The following FBXW2 variants were observed in gnomAD, a reference collection of about 807,000 sequenced individuals.
FBXW2 encodes the protein F-box/WD repeat-containing protein 2.
Under a neutral mutation model 46.0 loss-of-function variants are expected in FBXW2, and 12 were observed. The observed-to-expected ratio is 0.26, with a 90% CI of 0.17 to 0.42. The LOEUF is 0.42. Among genes scored for constraint, FBXW2 ranks in the 10% least tolerant of loss-of-function variants. The probability of loss-of-function intolerance (pLI) is 1.00; values close to 1 mark genes in which losing one functional copy is unlikely to be tolerated. For synonymous variants in FBXW2, 203 were observed against 209.6 expected (o/e 0.97, Z 0.27); for missense variants, 360 against 537.0 (o/e 0.67, Z 3.26).
rs59520792 is a variant in FBXW2, at chr9:120,772,060, GAAAAA to G, written c.907-548_907-544del. On this transcript the variant is annotated intron_variant, in intron 6 of 7. Transcript: ENST00000608872. ...GGTGACAGAGTGAGACCCTGTCTCAGAAAAAAAAAAAAAAAAAAAAAAAGAGATGC... is the reference window on the plus strand; with the variant it reads ...GGTGACAGAGTGAGACCCTGTCTCAGAAAAAAAAAAAAAAAAAAGAGATGC... 5.4e-3 allele frequency among the ~76,000 whole-genome samples: 275 copies of G among 51,310 alleles called. 3 individuals carry two copies. Among genetic ancestry groups the G allele is most frequent in the African/African-American group, 0.018 (259 of 14,302 alleles). The allele number at this position is 51,310 out of a possible 152,430, so 33.7% of individuals were successfully genotyped here.
Position 120,767,194 on chromosome 9 carries a change from A to T in FBXW2, c.1077-2347T>A, listed in dbSNP as rs182472965. Among the ~76,000 whole-genome samples the T allele has an allele frequency of 2.0e-3, 308 of 152,326 alleles. 1 individual carries two copies. Among genetic ancestry groups the T allele is most frequent in the Non-Finnish European group, 2.8e-3 (188 of 68,022 alleles). On this transcript the variant is annotated intron_variant, in intron 7 of 7. Coordinates refer to ENST00000608872, the MANE Select transcript of FBXW2 (RefSeq NM_012164.4). The stretch of plus-strand genomic sequence containing the variant: ...TCTCATGGGCATGTGTTTCTCTTAT[A>T]ATTAATATCTGAAAAAAAAATCTAT...
chr9:120,764,460 G>T lies in FBXW2; in HGVS notation c.*99C>A. On this transcript the variant is annotated 3_prime_UTR_variant, in exon 8 of 8. Coordinates refer to ENST00000608872, the MANE Select transcript of FBXW2 (RefSeq NM_012164.4). Reference sequence around the variant, plus strand: ...TGTGCACTGCGTGATGATACCATTAGGTGAGAACTTTGGTTCATGCAGTCG... The same window carrying T: ...TGTGCACTGCGTGATGATACCATTATGTGAGAACTTTGGTTCATGCAGTCG... The T allele has an allele frequency of 7.6e-7, 1 of 1,313,466 alleles. No individual in the cohort carries two copies. The highest frequency in any genetic ancestry group is 1.1e-6 in the Non-Finnish European group (1 of 937,358). 81.4% of individuals were successfully genotyped at this position (1,313,466 alleles called of 1,614,324 possible).
chr9:120,772,608 T>G lies in FBXW2; in HGVS notation c.906+146A>C. 5 of 531,260 alleles carry G rather than the reference T, an allele frequency of 9.4e-6. No homozygotes were observed. In the East Asian group the frequency reaches 1.7e-4, roughly 18 times the overall value. The allele number at this position is 531,260 out of a possible 1,614,324, so 32.9% of individuals were successfully genotyped here. A position where few individuals can be genotyped will look rare whatever the true frequency, so the allele number is the denominator to read the frequency against. On this transcript the variant is annotated intron_variant, in intron 6 of 7. Transcript: ENST00000608872. The stretch of plus-strand genomic sequence containing the variant: ...CAGGACATAGAGCTAGCAAATCATC[T>G]CTTCTTCCGGTGGGTTTAAAATGGC...
At position 120,763,474 on chromosome 9, in the gene FBXW2, C is replaced by T. The variant is rs2044225256; in HGVS notation, c.*1085G>A. On this transcript the variant is annotated 3_prime_UTR_variant, in exon 8 of 8. Coordinates refer to ENST00000608872, the MANE Select transcript of FBXW2 (RefSeq NM_012164.4). ...ATAGCATACTGTGTCCCTATTTAAACCATGGCTTCTATCAGCATTTCTTCA... is the reference window on the plus strand; with the variant it reads ...ATAGCATACTGTGTCCCTATTTAAATCATGGCTTCTATCAGCATTTCTTCA... 2 of 152,218 alleles carry T rather than the reference C, an allele frequency of 1.3e-5. No individual in the cohort carries two copies. Among genetic ancestry groups the T allele is most frequent in the African/African-American group, 4.8e-5 (2 of 41,452 alleles). 9.4% of individuals were successfully genotyped at this position (152,218 alleles called of 1,614,324 possible).
rs1325969257 is a variant in FBXW2, at chr9:120,787,988, T to C, written c.271A>G (p.Ile91Val). 5 of 1,614,102 alleles carry C rather than the reference T, an allele frequency of 3.1e-6. No homozygotes were observed. Among genetic ancestry groups the C allele is most frequent in the Admixed American group, 3.3e-5 (2 of 60,006 alleles). The change falls in exon 3 of 8, where the codon ATA (isoleucine) becomes GTA (valine). Residue 91 changes from isoleucine to valine, a missense_variant. By Grantham distance (29) the Ile-to-Val change is conservative (BLOSUM62 3). Transcript: ENST00000608872. The part of the protein sequence containing the change: ...CLVSKQWNKV[I>V]SACTEVWQTA... ...TGCCACACCTCTGTACAGGCACTTATCACCTTATTCCACTGTTTAGAGACG... is the reference window on the plus strand; with the variant it reads ...TGCCACACCTCTGTACAGGCACTTACCACCTTATTCCACTGTTTAGAGACG...
chr9:120,786,993 A>G (rs563682515), intron 3 of FBXW2, among the ~76,000 whole-genome samples: 1 of 152,104 alleles, frequency 6.6e-6, no homozygotes, highest in Non-Finnish European at 1.5e-5. Context: ...GAATCACAGG[A>G]TTTCAGAGCA....
At chr9:120,784,096 C>T (rs559421418) in intron 3 of FBXW2, among the ~76,000 whole-genome samples, 1 of 152,072 alleles carries the variant, frequency 6.6e-6, no homozygotes, top group Non-Finnish European at 1.5e-5. Context: ...CACTGCACAG[C>T]GTAATTTTAA....
At chr9:120,765,971 C>A (rs1320959757) in intron 7 of FBXW2, among the ~76,000 whole-genome samples, 1 of 152,044 alleles carries the variant, frequency 6.6e-6, no homozygotes, top group Admixed American at 6.6e-5. Context: ...TTGTCTGCGC[C>A]CTTAGTGAAG....
At position 120,762,946 on chromosome 9, in the gene FBXW2, C is replaced by T. The variant is rs905947698; in HGVS notation, c.*1613G>A. The T allele has an allele frequency of 3.3e-5, 5 of 152,196 alleles. No individual in the cohort carries two copies. The highest frequency in any genetic ancestry group is 6.5e-5 in the Admixed American group (1 of 15,278). The allele number at this position is 152,196 out of a possible 1,614,324, so 9.4% of individuals were successfully genotyped here. A position where few individuals can be genotyped will look rare whatever the true frequency, so the allele number is the denominator to read the frequency against. On this transcript the variant is annotated 3_prime_UTR_variant, in exon 8 of 8. Transcript: ENST00000608872. ...TTTTCTACTGCTTGCTCCCTCTACT[C>T]TCTCCCTGATTGTGACCACTAACAT... is the stretch of plus-strand genomic sequence containing the variant.
chr9:120,792,773 G>T, intron 2 of FBXW2: 1 of 838,760 alleles, frequency 1.2e-6, no homozygotes, highest in Non-Finnish European at 1.7e-6. Context: ...CAAGTAAAGC[G>T]TTTAGCACAG....
intron 3 of FBXW2, among the ~76,000 whole-genome samples, chr9:120,783,880 T>C (rs80310902): frequency 0.018 from 2,728 of 152,338 alleles, 60 homozygotes; most frequent in Middle Eastern, 0.031. Context: ...TAAAACTGTC[T>C]ATTGCTTACT....
chr9:120,774,835 C>T (rs963664797), intron 5 of FBXW2, among the ~76,000 whole-genome samples: 4 of 152,174 alleles, frequency 2.6e-5, no homozygotes, highest in Non-Finnish European at 5.9e-5. Flanking sequence ...CCTTATAAAT[C>T]ATACAGGATT....
intron 3 of FBXW2, among the ~76,000 whole-genome samples, chr9:120,784,860 G>A (rs2044686867): frequency 6.7e-6 from 1 of 149,908 alleles, no homozygotes; most frequent in Non-Finnish European, 1.5e-5. Flanking sequence ...GGAGGAGGTT[G>A]CAGTGAGCCG....
chr9:120,770,587 C>T (rs1038002948), intron 7 of FBXW2, among the ~76,000 whole-genome samples: 2 of 152,158 alleles, frequency 1.3e-5, no homozygotes, highest in African/African-American at 4.8e-5. Flanking sequence ...AGGTGGTATA[C>T]TAGGTCCTCA....
In FBXW2 at chr9:120,778,598, A is replaced by C. The variant is rs538642208; in HGVS notation, c.491-53T>G. On this transcript the variant is annotated intron_variant, in intron 3 of 7. Coordinates refer to ENST00000608872, the MANE Select transcript of FBXW2 (RefSeq NM_012164.4). ...AAGAAAACAAACACACTAAAGAAGG[A>C]AAATCAATCCCAAAATCATGGTGTT... 5.4e-5 allele frequency: 80 copies of C among 1,474,110 alleles called. 1 individual carries two copies. The South Asian group carries it at 9.3e-4, about 17-fold the overall frequency. 91.3% of individuals were successfully genotyped at this position (1,474,110 alleles called of 1,614,324 possible). A position where few individuals can be genotyped will look rare whatever the true frequency, so the allele number is the denominator to read the frequency against.
Position 120,762,411 on chromosome 9 carries a change from C to T in FBXW2, c.*2148G>A, listed in dbSNP as rs1442601370. On this transcript the variant is annotated 3_prime_UTR_variant, in exon 8 of 8. Coordinates refer to ENST00000608872, the MANE Select transcript of FBXW2 (RefSeq NM_012164.4). ...CATTGCCCAAAGTCTCCTGGGGCTT[C>T]TGCAAAATAGATTCAGTTGTGATTC... 1.3e-5 allele frequency: 2 copies of T among 152,014 alleles called. No individual in the cohort carries two copies. The highest frequency in any genetic ancestry group is 4.8e-5 in the African/African-American group (2 of 41,398). 9.4% of individuals were successfully genotyped at this position (152,014 alleles called of 1,614,324 possible).
chr9:120,776,008 A>AAC, intron 5 of FBXW2, 85 bp downstream of exon 5: 1 of 1,520,724 alleles, frequency 6.6e-7, no homozygotes, highest in Non-Finnish European at 8.9e-7. Flanking sequence ...TGACTCACCT[A>AAC]ACACTTATAA....
chr9:120,769,806 A>G (rs2044338797), intron 7 of FBXW2, among the ~76,000 whole-genome samples: 1 of 152,178 alleles, frequency 6.6e-6, no homozygotes, highest in Non-Finnish European at 1.5e-5. Flanking sequence ...CAAGGCCCCT[A>G]CCCTGTCTCA....
chr9:120,768,192 T>C (rs901170922), intron 7 of FBXW2, among the ~76,000 whole-genome samples: 3 of 152,240 alleles, frequency 2.0e-5, no homozygotes, highest in African/African-American at 7.2e-5. Context: ...TCCTGGTACT[T>C]AGTTAAGGCA....
Sources: gnomAD v4.1 joint callset for allele counts (sites outside exome capture counted in the v4.1 genomes callset) on GRCh38, gnomAD v4.1.1 for gene constraint, MANE v1.5 for transcripts, NCBI Gene and HGNC (gene_info 2026-07-23, HGNC 2026-07-21) for gene names.